PTPRG: variants seen among roughly 807,000 people sequenced by gnomAD.
PTPRG encodes protein tyrosine phosphatase receptor type G.
Under a neutral mutation model 165.3 loss-of-function variants are expected in PTPRG, and 102 were observed. The observed-to-expected ratio is 0.62, with a 90% CI of 0.53 to 0.73. The LOEUF is 0.73. Among genes scored for constraint, PTPRG ranks in the 30% least tolerant of loss-of-function variants. The pLI is 0.00. For missense variants in PTPRG, 1,866 were observed against 1,861.4 expected (o/e 1.00, Z -0.05); for synonymous variants, 675 against 669.5 (o/e 1.01, Z -0.13).
intron 6 of PTPRG, among the ~76,000 whole-genome samples, chr3:62,154,360 G>C (rs141197116): frequency 6.6e-6 from 1 of 152,098 alleles, no homozygotes; most frequent in African/African-American, 2.4e-5. Flanking sequence ...CCTCGCCACC[G>C]ATCTGACTGC....
At chr3:61,752,998 A>G in intron 2 of PTPRG, among the ~76,000 whole-genome samples, 1 of 152,132 alleles carries the variant, frequency 6.6e-6, no homozygotes, top group East Asian at 1.9e-4. Context: ...TTATAGGCCT[A>G]TCAAACAATG....
chr3:61,803,625 T>C (rs2035324873), intron 2 of PTPRG, among the ~76,000 whole-genome samples: 1 of 151,966 alleles, frequency 6.6e-6, no homozygotes. Context: ...AGGATTTTTG[T>C]TGTTGTTGTT....
intron 20 of PTPRG, among the ~76,000 whole-genome samples, chr3:62,270,130 A>T (rs1702013229): frequency 6.6e-6 from 1 of 152,156 alleles, no homozygotes; most frequent in Non-Finnish European, 1.5e-5. Flanking sequence ...GACGCTCATT[A>T]AAAAATGTAG....
chr3:62,248,940 T>G (rs1701350080), intron 15 of PTPRG, among the ~76,000 whole-genome samples: 1 of 152,216 alleles, frequency 6.6e-6, no homozygotes, highest in East Asian at 1.9e-4. Context: ...GTTTTAAACA[T>G]GCAGTTTAAA....
At chr3:61,953,860 TTTTCTGCTGCTGTAC>T (rs367764306) in intron 2 of PTPRG, among the ~76,000 whole-genome samples, 115,868 of 152,118 alleles carry the variant, frequency 0.76, 44,360 homozygotes, top group Middle Eastern at 0.84. Context: ...AGGGAGTGTA[TTTTCTGCTGCTGTAC>T]AATCTGCTGC....
chr3:61,580,381 A>ATT (rs36020375), intron 1 of PTPRG, among the ~76,000 whole-genome samples: 19,006 of 137,582 alleles, frequency 0.14, 1,831 homozygotes, highest in Admixed American at 0.24. Context: ...CTCTATTCTG[A>ATT]TTTTTTTTTT....
Position 62,263,256 on chromosome 3 carries a change from A to G in PTPRG, c.2656+362A>G, listed in dbSNP as rs1032953366. The G allele has an allele frequency of 4.8e-5, 9 of 186,908 alleles. No individual in the cohort carries two copies. The Admixed American group carries it at 5.5e-4, about 11-fold the overall frequency. The allele number at this position is 186,908 out of a possible 1,614,324, so 11.6% of individuals were successfully genotyped here. On this transcript the variant is annotated intron_variant, in intron 17 of 29. Coordinates refer to ENST00000474889, the MANE Select transcript of PTPRG (RefSeq NM_002841.4). Reference sequence around the variant, plus strand: ...GGGCCAAATCTTTTAATACAAATGAAAATATTGGGAATTGAATCAAGCAAG... The same window carrying G: ...GGGCCAAATCTTTTAATACAAATGAGAATATTGGGAATTGAATCAAGCAAG...
chr3:61,973,113 C>G (rs1403344835), intron 2 of PTPRG, among the ~76,000 whole-genome samples: 3 of 152,188 alleles, frequency 2.0e-5, no homozygotes, highest in Admixed American at 6.5e-5. Context: ...CAGTTGAGAA[C>G]TGAGGATACA....
chr3:61,971,491 T>A (rs1243640001), intron 2 of PTPRG, among the ~76,000 whole-genome samples: 1 of 152,238 alleles, frequency 6.6e-6, no homozygotes, highest in African/African-American at 2.4e-5. Flanking sequence ...CAAATTCTAC[T>A]TATTTCCATT....
intron 6 of PTPRG, among the ~76,000 whole-genome samples, chr3:62,140,851 CAAAAAAAAA>C (rs58630476): frequency 0.023 from 1,641 of 71,248 alleles, 45 homozygotes; most frequent in African/African-American, 0.083. Context: ...GACTCGGTCT[CAAAAAAAAA>C]AAAAAAAAAA....
intron 4 of PTPRG, among the ~76,000 whole-genome samples, chr3:62,069,526 AT>A (rs1224458551): frequency 6.6e-6 from 1 of 152,178 alleles, no homozygotes; most frequent in African/African-American, 2.4e-5. Context: ...AAATGGTTTT[AT>A]AATGTGATAC....
rs563456057 is a variant in PTPRG, at chr3:61,950,227, C to G, written c.191-39398C>G. Among the ~76,000 whole-genome samples the G allele has an allele frequency of 1.5e-3, 226 of 152,320 alleles. 1 individual carries two copies. The highest frequency in any genetic ancestry group is 2.8e-3 in the Non-Finnish European group (189 of 68,026). Reference sequence around the variant, plus strand: ...GAATTCTTTTGTCTTTCCTCACATTCTTTTCCCCCAGCTCTCCCCCATCTG... The same window carrying G: ...GAATTCTTTTGTCTTTCCTCACATTGTTTTCCCCCAGCTCTCCCCCATCTG... On this transcript the variant is annotated intron_variant, in intron 2 of 29. Transcript: ENST00000474889.
chr3:61,654,470 C>A (rs551044729), intron 1 of PTPRG, among the ~76,000 whole-genome samples: 1 of 150,822 alleles, frequency 6.6e-6, no homozygotes, highest in Non-Finnish European at 1.5e-5. Context: ...CTGCAGCCTC[C>A]GCCTCCCAGG....
rs78441309 is a variant in PTPRG at position 62,011,482 on chromosome 3, C to T, written c.519+7985C>T. 7.6e-3 allele frequency among the ~76,000 whole-genome samples: 1,153 copies of T among 152,258 alleles called. 18 individuals are homozygous for T. The highest frequency in any genetic ancestry group is 0.026 in the African/African-American group (1,069 of 41,532). On this transcript the variant is annotated intron_variant, in intron 4 of 29. Transcript: ENST00000474889. ...AGCGTGGACGTGTTAGAGAGATCAT[C>T]CCATGGTTATCTGGTGTTTGCTATT...
intron 7 of PTPRG, among the ~76,000 whole-genome samples, chr3:62,166,050 C>T (rs184237167): frequency 5.0e-4 from 76 of 152,240 alleles, no homozygotes; most frequent in Admixed American, 3.1e-3. Context: ...CTTTCTAGCA[C>T]CATTCGACCA....
intron 1 of PTPRG, among the ~76,000 whole-genome samples, chr3:61,672,288 C>T (rs796267315): frequency 2.2e-4 from 32 of 142,834 alleles, no homozygotes; most frequent in Admixed American, 3.5e-4. Flanking sequence ...GGCGGCCAGG[C>T]GGAGACGCTC....
intron 2 of PTPRG, among the ~76,000 whole-genome samples, chr3:61,754,977 C>A (rs1025999438): frequency 6.6e-6 from 1 of 151,614 alleles, no homozygotes; most frequent in Non-Finnish European, 1.5e-5. Flanking sequence ...CTAATAGAGA[C>A]CTCCTTCTTC....
intron 8 of PTPRG, among the ~76,000 whole-genome samples, chr3:62,175,256 A>G (rs2106756530): frequency 6.6e-6 from 1 of 152,308 alleles, no homozygotes; most frequent in South Asian, 2.1e-4. Context: ...TATGTCAGAC[A>G]TTTTTTCTAG....
intron 1 of PTPRG, among the ~76,000 whole-genome samples, chr3:61,647,791 CAAA>C (rs58020589): frequency 2.9e-4 from 27 of 93,172 alleles, no homozygotes; most frequent in Admixed American, 5.1e-4. Context: ...GACTCCGTCT[CAAA>C]AAAAAAAAAA....
Sources: allele counts gnomAD v4.1 joint callset (sites outside exome capture counted in the v4.1 genomes callset), GRCh38; gene constraint gnomAD v4.1.1; transcripts MANE v1.5; gene names NCBI Gene and HGNC (gene_info 2026-07-23, HGNC 2026-07-21).